The following CCDC148 variants were observed in gnomAD, a reference collection of about 807,000 sequenced individuals.
CCDC148 encodes the protein coiled-coil domain containing 148.
In CCDC148, 89 loss-of-function variants were observed where a neutral mutation model predicts 85.7. The ratio of observed to expected loss-of-function variants is 1.04; its 90% CI spans 0.87 to 1.24. CCDC148 has a LOEUF of 1.24. Ranked by LOEUF, CCDC148 falls within the 50% of genes most tolerant of loss-of-function variation. The pLI is 0.00. For synonymous variants in CCDC148, 230 were observed against 213.9 expected (o/e 1.08, Z -0.66); for missense variants, 692 against 671.7 (o/e 1.03, Z -0.33).
chr2:158,350,761 A>C (rs929205986), intron 2 of CCDC148, among the ~76,000 whole-genome samples: 5 of 152,090 alleles, frequency 3.3e-5, no homozygotes, highest in African/African-American at 1.2e-4. Context: ...TTTTTAATTG[A>C]CATATTGTAA....
rs1489144440 is a variant in CCDC148, at chr2:158,365,977, G to A, written c.26-7407C>T. On this transcript the variant is annotated intron_variant, in intron 1 of 13. Coordinates refer to ENST00000283233, the MANE Select transcript of CCDC148 (RefSeq NM_138803.4). Reference sequence around the variant, plus strand: ...TCATTTCAAAAGTACATAATCCACTGTAAATAATAAAACAGAGTTGGAAGT... The same window carrying A: ...TCATTTCAAAAGTACATAATCCACTATAAATAATAAAACAGAGTTGGAAGT... 4.4e-6 allele frequency: 6 copies of A among 1,376,158 alleles called. No homozygotes were observed. In the African/African-American group the frequency reaches 6.0e-5, roughly 14 times the overall value. 85.2% of individuals were successfully genotyped at this position (1,376,158 alleles called of 1,614,324 possible).
intron 12 of CCDC148, among the ~76,000 whole-genome samples, chr2:158,177,182 G>A (rs1684633056): frequency 1.3e-5 from 2 of 151,700 alleles, no homozygotes; most frequent in South Asian, 4.2e-4. Flanking sequence ...TTTGTACCAG[G>A]CAACTAGATT....
intron 2 of CCDC148, among the ~76,000 whole-genome samples, chr2:158,351,790 AAGAC>A (rs1425821629): frequency 6.6e-6 from 1 of 151,892 alleles, no homozygotes; most frequent in African/African-American, 2.4e-5. Context: ...GACAAACAAA[AAGAC>A]AGCAGTAACC....
chr2:158,217,698 C>A (rs1686962071), intron 11 of CCDC148, among the ~76,000 whole-genome samples: 1 of 151,556 alleles, frequency 6.6e-6, no homozygotes, highest in Admixed American at 6.6e-5. Flanking sequence ...GCCACCGCAC[C>A]CGGTCGAATA....
intron 9 of CCDC148, among the ~76,000 whole-genome samples, chr2:158,300,095 G>A (rs559384021): frequency 5.9e-5 from 9 of 152,228 alleles, no homozygotes; most frequent in Non-Finnish European, 8.8e-5. Flanking sequence ...ACTACATTTG[G>A]CATCTCAGAA....
At chr2:158,369,529 A>G (rs1684348123) in intron 1 of CCDC148, among the ~76,000 whole-genome samples, 1 of 152,136 alleles carries the variant, frequency 6.6e-6, no homozygotes, top group East Asian at 1.9e-4. Flanking sequence ...TTGTATCCTG[A>G]GACTTTGCTG....
chr2:158,364,393 C>A (rs1323777736), intron 1 of CCDC148, among the ~76,000 whole-genome samples: 1 of 140,728 alleles, frequency 7.1e-6, no homozygotes, highest in Non-Finnish European at 1.6e-5. Flanking sequence ...AGGCATCATG[C>A]TACCTGACCT....
rs185330713 is a variant in CCDC148 at position 158,383,680 on chromosome 2, T to C, written c.26-25110A>G. ...TTTATTTTTCTGAAGGAAGGTTCCA[T>C]TTCAGAGGAAAACTGTTGCCCTGAT... On this transcript the variant is annotated intron_variant, in intron 1 of 13. Transcript: ENST00000283233. 4.2e-3 allele frequency among the ~76,000 whole-genome samples: 637 copies of C among 152,292 alleles called. 8 individuals are homozygous for C. The highest frequency in any genetic ancestry group is 0.028 in the South Asian group (133 of 4,826).
At chr2:158,279,628 A>G (rs1345187789) in intron 9 of CCDC148, among the ~76,000 whole-genome samples, 1 of 152,242 alleles carries the variant, frequency 6.6e-6, no homozygotes, top group Non-Finnish European at 1.5e-5. Flanking sequence ...GGACTATGTG[A>G]AAAGACCAAA....
intron 2 of CCDC148, among the ~76,000 whole-genome samples, chr2:158,345,585 T>G (rs774370427): frequency 6.6e-6 from 1 of 152,182 alleles, no homozygotes; most frequent in Non-Finnish European, 1.5e-5. Flanking sequence ...CTATTTTCCA[T>G]ACATGAAATA....
In CCDC148 at chr2:158,456,438, ATG is replaced by A. The variant is rs1262568491; in HGVS notation, c.-1_1del. On this transcript the variant is annotated start_lost and start_retained_variant and 5_prime_UTR_variant, in exon 1 of 14. Transcript: ENST00000283233. Reference sequence around the variant, plus strand: ...ACCTGGAGAAGCAGAAGCTGCACACATGTCAAAGGTCAAAGGGCATAGCCTCA... The same window carrying A: ...ACCTGGAGAAGCAGAAGCTGCACACATCAAAGGTCAAAGGGCATAGCCTCA... The A allele has an allele frequency of 6.2e-6, 10 of 1,611,454 alleles. No individual in the cohort carries two copies. Among genetic ancestry groups the A allele is most frequent in the Non-Finnish European group, 8.5e-6 (10 of 1,179,030 alleles).
intron 1 of CCDC148, chr2:158,365,994 G>A: frequency 6.8e-7 from 1 of 1,480,998 alleles, no homozygotes; most frequent in Non-Finnish European, 9.1e-7. Context: ...ATAAAACAGA[G>A]TTGGAAGTAA....
intron 1 of CCDC148, among the ~76,000 whole-genome samples, chr2:158,393,935 G>A (rs1432578965): frequency 2.6e-5 from 4 of 152,024 alleles, no homozygotes; most frequent in Non-Finnish European, 5.9e-5. Flanking sequence ...TAACAAATTT[G>A]ATTTTAAAGG....
chr2:158,412,340 T>G (rs1483321996), intron 1 of CCDC148, among the ~76,000 whole-genome samples: 1 of 152,184 alleles, frequency 6.6e-6, no homozygotes, highest in African/African-American at 2.4e-5. Context: ...CATCCGTGGA[T>G]AGTAAGTCAT....
At chr2:158,358,181 A>C (rs1038163948) in intron 2 of CCDC148, among the ~76,000 whole-genome samples, 1 of 152,192 alleles carries the variant, frequency 6.6e-6, no homozygotes, top group African/African-American at 2.4e-5. Flanking sequence ...GAAAGCCAAT[A>C]AAATAACTGT....
chr2:158,396,912 C>T (rs1685546839), intron 1 of CCDC148, among the ~76,000 whole-genome samples: 2 of 152,038 alleles, frequency 1.3e-5, no homozygotes, highest in Admixed American at 1.3e-4. Context: ...TATTGGCTTT[C>T]CTCAATCTTA....
At chr2:158,360,644 T>C (rs1683898294) in intron 1 of CCDC148, among the ~76,000 whole-genome samples, 1 of 152,074 alleles carries the variant, frequency 6.6e-6, no homozygotes, top group African/African-American at 2.4e-5. Context: ...ACAAAAAGGA[T>C]GTCCACTCGG....
intron 9 of CCDC148, among the ~76,000 whole-genome samples, chr2:158,277,183 G>A (rs1178581519): frequency 6.6e-6 from 1 of 152,140 alleles, no homozygotes; most frequent in Non-Finnish European, 1.5e-5. Flanking sequence ...AGTTAGTTGT[G>A]CAAGTTGAAT....
intron 1 of CCDC148, among the ~76,000 whole-genome samples, chr2:158,422,256 G>C (rs184084732): frequency 2.6e-5 from 4 of 152,236 alleles, no homozygotes; most frequent in Non-Finnish European, 4.4e-5. Context: ...GCATCATCCT[G>C]ATACCAAAGC....
Sources: gnomAD v4.1 joint callset for allele counts (sites outside exome capture counted in the v4.1 genomes callset) on GRCh38, gnomAD v4.1.1 for gene constraint, MANE v1.5 for transcripts, NCBI Gene and HGNC (gene_info 2026-07-23, HGNC 2026-07-21) for gene names.